Variants in KIF12 observed in about 807,000 individuals in gnomAD.
The protein encoded by KIF12 is kinesin family member 12, also known as kinesin-like protein KIF12.
In KIF12, 80 loss-of-function variants were observed where a neutral mutation model predicts 87.9. The observed-to-expected ratio is 0.91, with a 90% CI of 0.76 to 1.10. The LOEUF (loss-of-function observed/expected upper bound fraction) is 1.10, where lower values mean the gene tolerates loss of function less well. KIF12 is among the 50% of genes least tolerant of loss of function. The pLI is 0.00. For synonymous variants in KIF12, 353 were observed against 348.5 expected, an observed-to-expected ratio of 1.01 and a Z score of -0.14; for missense variants, 819 against 865.3, an observed-to-expected ratio of 0.95 and a Z score of 0.67.
At chr9:114,096,296 C>G (rs751412095) in intron 8 of KIF12, 89 bp from the exon 9 acceptor site, 151 of 1,599,430 alleles carry the variant, frequency 9.4e-5, no homozygotes, top group South Asian at 8.9e-4. Flanking sequence ...CATTATTAAC[C>G]CCCATGCACA....
At chr9:114,095,549 C>G (rs550464154) in intron 9 of KIF12, among the ~76,000 whole-genome samples, 3 of 152,202 alleles carry the variant, frequency 2.0e-5, no homozygotes, top group African/African-American at 7.2e-5. Context: ...CAATGCCCAG[C>G]AAAGTGCCTG....
chr9:114,093,574 T>C, intron 14 of KIF12, 77 bp from the exon 15 acceptor site: 1 of 1,182,800 alleles, frequency 8.5e-7, no homozygotes, highest in Non-Finnish European at 1.2e-6. Flanking sequence ...CCTTCCCAGC[T>C]AATACTCCTG....
At chr9:114,094,308 C>T (rs774175398) in intron 12 of KIF12, 37 bp from the exon 13 acceptor site, 16 of 1,610,998 alleles carry the variant, frequency 9.9e-6, no homozygotes, top group Admixed American at 1.7e-5. Context: ...CCACAGGAGC[C>T]CCAGACCCTA....
chr9:114,095,112 G>A lies in KIF12; in HGVS notation c.1030C>T (p.Pro344Ser). 1.2e-6 allele frequency: 2 copies of A among 1,607,556 alleles called. No individual in the cohort carries two copies. Among genetic ancestry groups the A allele is most frequent in the Non-Finnish European group, 1.7e-6 (2 of 1,176,586 alleles). ...GVTLMVACVS[P>S]SAQCLPETLS... ...GTCTCAGGAAGGCACTGGGCTGAGGGGGACACGCAGGCCACCTGGGGAGTG... is the reference window on the plus strand; with the variant it reads ...GTCTCAGGAAGGCACTGGGCTGAGGAGGACACGCAGGCCACCTGGGGAGTG... The change falls in exon 11 of 19, where the codon CCC (proline) becomes TCC (serine). Residue 344 changes from proline to serine, a missense_variant. Pro to Ser is a moderately conservative substitution (Grantham distance 74). Transcript: ENST00000640217.
At position 114,094,446 on chromosome 9, in the gene KIF12, C is replaced by A; in HGVS notation, c.1129G>T (p.Ala377Ser). 1.2e-6 allele frequency: 2 copies of A among 1,610,236 alleles called. No homozygotes were observed. Among genetic ancestry groups the A allele is most frequent in the South Asian group, 1.1e-5 (1 of 90,800 alleles). The change falls in exon 12 of 19, where the codon GCA becomes TCA. Residue 377 changes from alanine (A) to serine (S), a missense_variant. Coordinates refer to ENST00000640217, the MANE Select transcript of KIF12 (RefSeq NM_001388308.1). ...GTCTCCAAACGCTGGGGCTGCTTTG[C>A]CACAGGAGACTGTAGGGAAAGAGGC... ...TRPQAPKSPV[A>S]KQPQRLETEM...
In KIF12 at chr9:114,099,133, C is replaced by G; in HGVS notation, c.63G>C (p.Gly21=). 6.4e-7 allele frequency: 1 copy of G among 1,550,586 alleles called. No individual in the cohort carries two copies. Among genetic ancestry groups the G allele is most frequent in the Middle Eastern group, 1.7e-4 (1 of 5,992 alleles). Residue 21 remains glycine, a synonymous_variant, in exon 2 of 19, where the codon GGG becomes GGC. Coordinates refer to ENST00000640217, the MANE Select transcript of KIF12 (RefSeq NM_001388308.1). ...LARSLEQGPE[G]PETPIQVVLR... The stretch of plus-strand genomic sequence containing the variant: ...GCACCACCTGGATGGGCGTTTCCGG[C>G]CCCTCTGGCCCTTGCTCCAGGCTCC...
chr9:114,097,390 C>T lies in KIF12; in HGVS notation c.557G>A (p.Arg186His). Reference sequence around the variant, plus strand: ...ATAGAAGCCCCGAGTCTTGTTCCAGCGAACAGGGAGGGGCCGGGGAGACCC... The same window carrying T: ...ATAGAAGCCCCGAGTCTTGTTCCAGTGAACAGGGAGGGGCCGGGGAGACCC... ...SLGSPRPLPV[R>H]WNKTRGFYVE... Residue 186 changes from arginine to histidine, a missense_variant, in exon 7 of 19, where the codon CGC becomes CAC. By Grantham distance (29) the Arg-to-His change is conservative. Coordinates refer to ENST00000640217, the MANE Select transcript of KIF12 (RefSeq NM_001388308.1). 1 of 1,607,084 alleles carries T rather than the reference C, an allele frequency of 6.2e-7. No homozygotes were observed. Among genetic ancestry groups the T allele is most frequent in the South Asian group, 1.1e-5 (1 of 89,734 alleles).
rs2134881264 is a variant in KIF12, at chr9:114,093,488, G to A, written c.1410C>T (p.Leu470=). The A allele has an allele frequency of 6.4e-7, 1 of 1,558,296 alleles. No homozygotes were observed. Among genetic ancestry groups the A allele is most frequent in the African/African-American group, 1.4e-5 (1 of 73,630 alleles). ...CCTGCTGGTGATGGTAGCAGGCAGA[G>A]AGGAGACGCCTAGAAAGAACAGCAG... The part of the protein sequence containing the change: ...QQVHALERRL[L]SACYHHQQGP... The change falls in exon 15 of 19, where the codon CTC becomes CTT. Residue 470 remains leucine (L), a synonymous_variant. Coordinates refer to ENST00000640217, the MANE Select transcript of KIF12 (RefSeq NM_001388308.1).
chr9:114,092,735 C>G, intron 16 of KIF12, 93 bp from the exon 17 acceptor site: 4 of 1,513,842 alleles, frequency 2.6e-6, no homozygotes, highest in Non-Finnish European at 2.6e-6. Flanking sequence ...CCCACCATGC[C>G]TACCCCACAA....
chr9:114,094,157 C>A (rs757952782), intron 13 of KIF12, 24 bp downstream of exon 13: 15 of 1,603,426 alleles, frequency 9.4e-6, no homozygotes, highest in Non-Finnish European at 1.2e-5. Context: ...AGCAGCATCC[C>A]TCTGGCTGTG....
At chr9:114,097,515 C>G in intron 6 of KIF12, 79 bp from the exon 7 acceptor site, 1 of 1,586,322 alleles carries the variant, frequency 6.3e-7, no homozygotes, top group Non-Finnish European at 8.6e-7. Context: ...ACAACAGTCC[C>G]CACCGCCTCT....
chr9:114,096,290 A>T, intron 8 of KIF12, 83 bp from the exon 9 acceptor site: 1 of 1,601,806 alleles, frequency 6.2e-7, no homozygotes, highest in Non-Finnish European at 8.5e-7. Context: ...AGTTTCCATT[A>T]TTAACCCCCA....
In KIF12 at chr9:114,091,929, G is replaced by A. The variant is rs145530814; in HGVS notation, c.1888C>T (p.Arg630Cys). Residue 630 changes from arginine to cysteine, a missense_variant, in exon 19 of 19, where the codon CGT becomes TGT. Coordinates refer to ENST00000640217, the MANE Select transcript of KIF12 (RefSeq NM_001388308.1). ...CTGCAGGGTGGCTGGCTGCGGCCACGTCGCAGGGAGCTGCCAATCTGGTCT... is the reference window on the plus strand; with the variant it reads ...CTGCAGGGTGGCTGGCTGCGGCCACATCGCAGGGAGCTGCCAATCTGGTCT... ...LRDQIGSSLR[R>C]GRSQPPCSEG... 6.8e-6 allele frequency: 11 copies of A among 1,612,512 alleles called. No individual in the cohort carries two copies. Among genetic ancestry groups the A allele is most frequent in the Admixed American group, 1.7e-5 (1 of 60,000 alleles).
At position 114,095,344 on chromosome 9, in the gene KIF12, G is replaced by A. The variant is rs1438366133; in HGVS notation, c.896-12C>T. The stretch of plus-strand genomic sequence containing the variant: ...GGAGATGCAGTGACCTGGGGAGGGA[G>A]AGCAAGAGTTAGGAAGGTTACATCA... On this transcript the variant is annotated splice_polypyrimidine_tract_variant and intron_variant, in intron 9 of 18. Transcript: ENST00000640217. The A allele has an allele frequency of 2.5e-6, 4 of 1,611,012 alleles. No homozygotes were observed. The highest frequency in any genetic ancestry group is 3.4e-6 in the Non-Finnish European group (4 of 1,179,340).
chr9:114,098,519 G>A (rs867214762), intron 3 of KIF12, 90 bp from the exon 4 acceptor site: 2 of 713,482 alleles, frequency 2.8e-6, no homozygotes, highest in South Asian at 2.7e-5. Flanking sequence ...GGCGGGGCAC[G>A]CGGGAGGAGG....
At chr9:114,097,211 C>G in intron 7 of KIF12, 90 bp downstream of exon 7, 1 of 1,482,838 alleles carries the variant, frequency 6.7e-7, no homozygotes. Context: ...TCTGAAGCTG[C>G]AGCTGCAGTC....
chr9:114,092,356 G>C lies in KIF12; in HGVS notation c.1793C>G (p.Pro598Arg), dbSNP rs748631116. 6.2e-7 allele frequency: 1 copy of C among 1,601,790 alleles called. No individual in the cohort carries two copies. Among genetic ancestry groups the C allele is most frequent in the Non-Finnish European group, 8.5e-7 (1 of 1,174,904 alleles). ...ACCTCTGAGCCCTGGTGATGTCTTC[G>C]GGGGCCTCACAGGCAGGGGAGGTGC... The part of the protein sequence containing the change: ...PSAPPLPVRP[P>R]KTSPGLRGGA... The change falls in exon 18 of 19, where the codon CCG (proline) becomes CGG (arginine). Residue 598 changes from proline (P) to arginine (R), a missense_variant. Physicochemically the swap from Pro to Arg is moderately radical, Grantham distance 103. Coordinates refer to ENST00000640217, the MANE Select transcript of KIF12 (RefSeq NM_001388308.1).
At chr9:114,095,891 CA>C (rs1288428694) in intron 9 of KIF12, among the ~76,000 whole-genome samples, 159 bp downstream of exon 9, 1 of 152,246 alleles carries the variant, frequency 6.6e-6, no homozygotes, top group African/African-American at 2.4e-5. Context: ...GAGAAGTCAA[CA>C]GCAGAGCTGG....
Position 114,092,355 on chromosome 9 carries a change from C to T in KIF12, c.1794G>A (p.Pro598=), listed in dbSNP as rs750958516. The T allele has an allele frequency of 3.7e-6, 6 of 1,601,636 alleles. No homozygotes were observed. The highest frequency in any genetic ancestry group is 2.2e-5 in the East Asian group (1 of 44,724). ...PSAPPLPVRP[P]KTSPGLRGGA... ...CACCTCTGAGCCCTGGTGATGTCTT[C>T]GGGGGCCTCACAGGCAGGGGAGGTG... is the stretch of plus-strand genomic sequence containing the variant. The change falls in exon 18 of 19, where the codon CCG becomes CCA. Residue 598 remains proline (P), a synonymous_variant. Coordinates refer to ENST00000640217, the MANE Select transcript of KIF12 (RefSeq NM_001388308.1).
Sources: gnomAD v4.1 joint callset for allele counts (sites outside exome capture counted in the v4.1 genomes callset) on GRCh38, gnomAD v4.1.1 for gene constraint, MANE v1.5 for transcripts, NCBI Gene and HGNC (gene_info 2026-07-23, HGNC 2026-07-21) for gene names.